Variants in HTRA3 observed in about 807,000 individuals in gnomAD.
The protein encoded by HTRA3 is HtrA serine peptidase 3.
In HTRA3, 41 loss-of-function variants were observed where a neutral mutation model predicts 43.2. That is an observed-to-expected ratio of 0.95 (90% CI 0.74 to 1.23). The LOEUF (loss-of-function observed/expected upper bound fraction) is 1.23, where lower values mean the gene tolerates loss of function less well. Ranked by LOEUF, HTRA3 falls within the 50% of genes most tolerant of loss-of-function variation. The pLI is 0.00. For synonymous variants in HTRA3, 295 were observed against 287.9 expected, an observed-to-expected ratio of 1.02 and a Z score of -0.25; for missense variants, 628 against 647.1, an observed-to-expected ratio of 0.97 and a Z score of 0.32.
chr4:8,279,156 T>C lies in HTRA3; in HGVS notation c.386-3281T>C, dbSNP rs1367363939. Among the ~76,000 whole-genome samples, 2 of 152,152 alleles carry C rather than the reference T, an allele frequency of 1.3e-5. No homozygotes were observed. The highest frequency in any genetic ancestry group is 2.9e-5 in the Non-Finnish European group (2 of 68,024). ...CGTGCGGGCTTCTCTTTGGAGACTC[T>C]GTGGGAAACAGGCCACCTCCCAGCC... On this transcript the variant is annotated intron_variant, in intron 1 of 8. Coordinates refer to ENST00000307358, the MANE Select transcript of HTRA3 (RefSeq NM_053044.5). This position sits in a 1 kb window ranked among gnomAD's most constrained non-coding sequence, Gnocchi z 7.4.
At chr4:8,273,664 A>G (rs1313362756) in intron 1 of HTRA3, among the ~76,000 whole-genome samples, 1 of 150,614 alleles carries the variant, frequency 6.6e-6, no homozygotes, top group South Asian at 2.1e-4. Flanking sequence ...CTCGGGCTCT[A>G]CTCTTCCCAG....
At chr4:8,292,429 G>A in intron 5 of HTRA3, 76 bp downstream of exon 5, 4 of 1,221,316 alleles carry the variant, frequency 3.3e-6, no homozygotes, top group Middle Eastern at 1.9e-4. Flanking sequence ...CCTTGAGGTG[G>A]GACAGGGCCC....
rs1382943735 is a variant in HTRA3, at chr4:8,304,327, G to T, written c.1196+48G>T. 3.0e-5 allele frequency: 45 copies of T among 1,498,684 alleles called. 1 individual carries two copies. The highest frequency in any genetic ancestry group is 3.9e-5 in the Non-Finnish European group (42 of 1,079,164). The allele number at this position is 1,498,684 out of a possible 1,614,324, so 92.8% of individuals were successfully genotyped here. On this transcript the variant is annotated intron_variant, in intron 8 of 8. Coordinates refer to ENST00000307358, the MANE Select transcript of HTRA3 (RefSeq NM_053044.5). Reference sequence around the variant, plus strand: ...GCTCGAGGCATGGGGCAGGCGTGAGGTCTGGGCTGGGGCTGCCCCACTGAC... The same window carrying T: ...GCTCGAGGCATGGGGCAGGCGTGAGTTCTGGGCTGGGGCTGCCCCACTGAC...
intron 5 of HTRA3, among the ~76,000 whole-genome samples, chr4:8,293,730 A>G (rs1428182298): frequency 6.6e-6 from 1 of 152,130 alleles, no homozygotes; most frequent in Admixed American, 6.5e-5. Context: ...TGTCCCCGAC[A>G]GGCCTTACCA....
Position 8,279,131 on chromosome 4 carries a change from C to T in HTRA3, c.386-3306C>T, listed in dbSNP as rs1004491692. On this transcript the variant is annotated intron_variant, in intron 1 of 8. Transcript: ENST00000307358. This position sits in a 1 kb window ranked among gnomAD's most constrained non-coding sequence, Gnocchi z 7.4. ...AGGAGCCTGGGGTGTGGGGTGGGCACGTGCGGGCTTCTCTTTGGAGACTCT... is the reference window on the plus strand; with the variant it reads ...AGGAGCCTGGGGTGTGGGGTGGGCATGTGCGGGCTTCTCTTTGGAGACTCT... Among the ~76,000 whole-genome samples, 1 of 152,148 alleles carries T rather than the reference C, an allele frequency of 6.6e-6. No homozygotes were observed.
chr4:8,305,924 G>A (rs1316422721), intron 8 of HTRA3, 47 bp from the exon 9 acceptor site: 6 of 1,609,194 alleles, frequency 3.7e-6, no homozygotes, highest in Non-Finnish European at 5.1e-6. Context: ...TGGGAAGGCT[G>A]TGCCTGGGGA....
At position 8,270,293 on chromosome 4, in the gene HTRA3, C is replaced by T. The variant is rs760721201; in HGVS notation, c.325C>T (p.Arg109Cys). ...GTGCGCGCTGCAGGCGGCCAGCCGC[C>T]GCGCGCTGCAGCTCTCCGGGACGCC... ...NVCALQAASR[R>C]ALQLSGTPVR... is the part of the protein sequence containing the mutation. The change falls in exon 1 of 9, where the codon CGC becomes TGC. Residue 109 changes from arginine (R) to cysteine (C), a missense_variant. Transcript: ENST00000307358. 2.0e-6 allele frequency: 3 copies of T among 1,480,750 alleles called. No individual in the cohort carries two copies. The highest frequency in any genetic ancestry group is 5.6e-5 in the East Asian group (2 of 35,912). 91.7% of individuals were successfully genotyped at this position (1,480,750 alleles called of 1,614,324 possible).
chr4:8,301,460 A>C (rs1362571950), intron 6 of HTRA3, among the ~76,000 whole-genome samples: 1 of 150,722 alleles, frequency 6.6e-6, no homozygotes, highest in East Asian at 2.0e-4. Context: ...TCACACTCTC[A>C]GCTTTATTAT....
chr4:8,294,042 G>T, intron 5 of HTRA3, 45 bp from the exon 6 acceptor site: 2 of 1,360,814 alleles, frequency 1.5e-6, no homozygotes, highest in African/African-American at 1.4e-5. Flanking sequence ...GCAGGGGTTT[G>T]CCTGGGTTCC....
Position 8,291,543 on chromosome 4 carries a change from C to G in HTRA3, c.882C>G (p.Ile294Met). Residue 294 changes from isoleucine (I) to methionine (M), a missense_variant, in exon 4 of 9, where the codon ATC (isoleucine) becomes ATG (methionine). Coordinates refer to ENST00000307358, the MANE Select transcript of HTRA3 (RefSeq NM_053044.5). ...LGLRDSDMDY[I>M]QTDAIINYGN... ...TCCGGGACTCCGACATGGACTACAT[C>G]CAGACGGATGCCATCATCAACGTGA... 6.3e-7 allele frequency: 1 copy of G among 1,599,522 alleles called. No homozygotes were observed. The highest frequency in any genetic ancestry group is 8.5e-7 in the Non-Finnish European group (1 of 1,171,660).
intron 5 of HTRA3, among the ~76,000 whole-genome samples, chr4:8,293,723 C>T (rs1163267743): frequency 1.3e-5 from 2 of 152,120 alleles, no homozygotes; most frequent in Non-Finnish European, 2.9e-5. Context: ...GGGTCTCTGT[C>T]CCCGACAGGC....
rs1339460282 is a variant in HTRA3, at chr4:8,279,526, G to T, written c.386-2911G>T. On this transcript the variant is annotated intron_variant, in intron 1 of 8. Transcript: ENST00000307358. This position sits in a 1 kb window ranked among gnomAD's most constrained non-coding sequence, Gnocchi z 7.4. ...CCCAGGCGCTTGAGGGGGTCCAGGG[G>T]CTGGGCTTTGGCAAGCAGGGGGTGG... 6.6e-6 allele frequency among the ~76,000 whole-genome samples: 1 copy of T among 152,136 alleles called. No homozygotes were observed. Among genetic ancestry groups the T allele is most frequent in the Non-Finnish European group, 1.5e-5 (1 of 68,040 alleles).
intron 6 of HTRA3, among the ~76,000 whole-genome samples, chr4:8,294,636 C>T (rs1475764016): frequency 8.7e-3 from 3 of 344 alleles, no homozygotes; most frequent in Admixed American, 0.05. Context: ...ATCCATCCAT[C>T]CATCCATCCA....
chr4:8,273,251 C>T (rs1342127758), intron 1 of HTRA3, among the ~76,000 whole-genome samples: 5 of 152,218 alleles, frequency 3.3e-5, no homozygotes, highest in Admixed American at 6.5e-5. Context: ...CCTGGGCCCC[C>T]GGCTCCATCA....
At position 8,297,327 on chromosome 4, in the gene HTRA3, T is replaced by A. The variant is rs922799717; in HGVS notation, c.1051+3126T>A. Reference sequence around the variant, plus strand: ...CACAGTGAGTCGTGCTTTCCCCAGCTCTGGCCCAGGGGCATTACCAGGCCT... The same window carrying A: ...CACAGTGAGTCGTGCTTTCCCCAGCACTGGCCCAGGGGCATTACCAGGCCT... On this transcript the variant is annotated intron_variant, in intron 6 of 8. Coordinates refer to ENST00000307358, the MANE Select transcript of HTRA3 (RefSeq NM_053044.5). The surrounding 1 kb of genome is among the most constrained non-coding windows in gnomAD (Gnocchi z 5.8). 6.6e-6 allele frequency among the ~76,000 whole-genome samples: 1 copy of A among 152,042 alleles called. No homozygotes were observed. The highest frequency in any genetic ancestry group is 1.5e-5 in the Non-Finnish European group (1 of 68,020).
intron 5 of HTRA3, 66 bp from the exon 6 acceptor site, chr4:8,294,021 G>A (rs1713343501): frequency 9.4e-7 from 1 of 1,059,920 alleles, no homozygotes; most frequent in African/African-American, 1.6e-5. Flanking sequence ...TGTGGACACA[G>A]TGCTTTGTGG....
chr4:8,299,841 C>CTTTT (rs34414197), intron 6 of HTRA3, among the ~76,000 whole-genome samples: 1 of 140,710 alleles, frequency 7.1e-6, no homozygotes, highest in Non-Finnish European at 1.5e-5. Context: ...ATGTATTATC[C>CTTTT]TTTTTTTTTT....
chr4:8,301,179 A>G (rs368421955), intron 6 of HTRA3, among the ~76,000 whole-genome samples: 1 of 147,156 alleles, frequency 6.8e-6, no homozygotes, highest in African/African-American at 2.5e-5. Context: ...TATTATTCAC[A>G]CTCATCTTTA....
chr4:8,276,241 C>G (rs1033894527), intron 1 of HTRA3, among the ~76,000 whole-genome samples: 16 of 152,234 alleles, frequency 1.1e-4, no homozygotes, highest in African/African-American at 3.6e-4. Flanking sequence ...CCCCAGAAGT[C>G]TCTGAAGCTC....
Sources: gnomAD v4.1 joint callset for allele counts (sites outside exome capture counted in the v4.1 genomes callset) on GRCh38, gnomAD v4.1.1 for gene constraint, Gnocchi (gnomAD v3.1) non-coding constraint, MANE v1.5 for transcripts, NCBI Gene and HGNC (gene_info 2026-07-23, HGNC 2026-07-21) for gene names.